PAPPA2: variants seen among roughly 807,000 people sequenced by gnomAD.
PAPPA2 encodes the protein pappalysin 2.
A neutral mutation model predicts 176.4 loss-of-function variants in PAPPA2; 86 were observed. The observed-to-expected ratio is 0.49, with a 90% CI of 0.41 to 0.58. PAPPA2 has a LOEUF of 0.58. Among genes scored for constraint, PAPPA2 ranks in the 20% least tolerant of loss-of-function variants. PAPPA2 has a pLI of 0.00. For synonymous variants in PAPPA2, 809 were observed against 852.2 expected, an observed-to-expected ratio of 0.95 and a Z score of 0.88; for missense variants, 2,073 against 2,256.9, an observed-to-expected ratio of 0.92 and a Z score of 1.65.
chr1:176,702,495 C>G, intron 8 of PAPPA2, 112 bp from the exon 9 acceptor site: 13 of 1,455,018 alleles, frequency 8.9e-6, no homozygotes, highest in Non-Finnish European at 1.2e-5. Context: ...GTATGTTTAA[C>G]CTTTATGTTT....
chr1:176,552,621 T>C (rs1651031086), intron 1 of PAPPA2, among the ~76,000 whole-genome samples: 1 of 152,118 alleles, frequency 6.6e-6, no homozygotes, highest in Non-Finnish European at 1.5e-5. Context: ...AAGAAATCCA[T>C]ATCCTCTCCC....
Position 176,769,713 on chromosome 1 carries a change from TCTC to T in PAPPA2, c.4433_4435del (p.Ser1478del). The T allele has an allele frequency of 4.3e-6, 7 of 1,613,796 alleles. No homozygotes were observed. Among genetic ancestry groups the T allele is most frequent in the South Asian group, 1.1e-5 (1 of 91,010 alleles). ...CCGTCTTTGGTGAACTATGCAAACT[TCTC>T]CTGCTCAGAGGGAACCAAATTTCTG... On this transcript the variant is annotated inframe_deletion, in exon 16 of 23. Coordinates refer to ENST00000367662, the MANE Select transcript of PAPPA2 (RefSeq NM_020318.3).
In PAPPA2 at chr1:176,671,063, C is replaced by A. The variant is rs768458710; in HGVS notation, c.2085C>A (p.Asp695Glu). ...ACTTTGCCAGCTCAGTGCGGGAAGACCTTGCAGGTGCTGCCACCTGGCCTT... is the reference window on the plus strand; with the variant it reads ...ACTTTGCCAGCTCAGTGCGGGAAGAACTTGCAGGTGCTGCCACCTGGCCTT... ...NIYFASSVREDLAGAATWPWD... is the reference protein window; with the variant it reads ...NIYFASSVREELAGAATWPWD... The change falls in exon 4 of 23, where the codon GAC becomes GAA. Residue 695 changes from aspartate (D) to glutamate (E), a missense_variant. Asp to Glu is a conservative substitution (Grantham distance 45, BLOSUM62 2). Around this residue, in one of 4 missense-constraint regions of PAPPA2, gnomAD observed 1,196 missense variants for 1,330.4 expected, o/e 0.90. Transcript: ENST00000367662. 6.2e-7 allele frequency: 1 copy of A among 1,613,880 alleles called. No homozygotes were observed. The highest frequency in any genetic ancestry group is 1.3e-5 in the African/African-American group (1 of 74,928).
chr1:176,495,779 T>C lies in PAPPA2; in HGVS notation c.-917+32361T>C, dbSNP rs139347436. ...AAATATCTTACCAGTTAGAAAAAAA[T>C]AAATAAATTTTGGTGTGAATTTTTT... On this transcript the variant is annotated intron_variant, in intron 1 of 22. Transcript: ENST00000367662. 1.9e-3 allele frequency among the ~76,000 whole-genome samples: 290 copies of C among 150,700 alleles called. 1 individual carries two copies. The highest frequency in any genetic ancestry group is 6.4e-3 in the African/African-American group (263 of 40,796).
intron 3 of PAPPA2, among the ~76,000 whole-genome samples, chr1:176,606,274 C>A (rs1336539435): frequency 6.6e-6 from 1 of 152,148 alleles, no homozygotes; most frequent in East Asian, 1.9e-4. Flanking sequence ...GATTTTCCAA[C>A]TGCGATTCTA....
At chr1:176,657,712 T>C (rs1658107250) in intron 3 of PAPPA2, among the ~76,000 whole-genome samples, 1 of 151,960 alleles carries the variant, frequency 6.6e-6, no homozygotes, top group Non-Finnish European at 1.5e-5. Flanking sequence ...GTGGGAATTT[T>C]AGGCCTGTGT....
chr1:176,498,565 C>T (rs1334849593), intron 1 of PAPPA2, among the ~76,000 whole-genome samples: 4 of 151,960 alleles, frequency 2.6e-5, no homozygotes, highest in African/African-American at 9.7e-5. Context: ...GCCTGACCAA[C>T]ATGATGAAAC....
intron 1 of PAPPA2, among the ~76,000 whole-genome samples, chr1:176,521,909 G>C (rs1649234997): frequency 6.6e-6 from 1 of 152,296 alleles, no homozygotes; most frequent in African/African-American, 2.4e-5. Flanking sequence ...ACCCCAGCCT[G>C]TGCTGGTTTT....
chr1:176,585,774 T>A (rs1202818641), intron 2 of PAPPA2, among the ~76,000 whole-genome samples: 1 of 152,118 alleles, frequency 6.6e-6, no homozygotes, highest in Non-Finnish European at 1.5e-5. Context: ...TTGTTTAAGT[T>A]CTTGATTGTA....
intron 14 of PAPPA2, among the ~76,000 whole-genome samples, chr1:176,761,985 G>A (rs967638217): frequency 6.6e-6 from 1 of 152,108 alleles, no homozygotes; most frequent in African/African-American, 2.4e-5. Flanking sequence ...CGGGAGGGTG[G>A]GATAATGGAG....
chr1:176,653,827 A>T (rs983421084), intron 3 of PAPPA2, among the ~76,000 whole-genome samples: 2 of 151,532 alleles, frequency 1.3e-5, no homozygotes, highest in African/African-American at 4.8e-5. Flanking sequence ...TCTACTTCTG[A>T]TGGATAATTT....
intron 3 of PAPPA2, among the ~76,000 whole-genome samples, chr1:176,639,424 G>T (rs1656937120): frequency 6.6e-6 from 1 of 152,064 alleles, no homozygotes; most frequent in Non-Finnish European, 1.5e-5. Flanking sequence ...GGTATAGGAA[G>T]AATATTCTAA....
rs150001932 is a variant in PAPPA2 at position 176,543,546 on chromosome 1, C to T, written c.-916-11861C>T. ...GATGTCTTCCTGTGGAGGTTTAGCTCAGCTTCTTATTCAATTTTGACTTCT... is the reference window on the plus strand; with the variant it reads ...GATGTCTTCCTGTGGAGGTTTAGCTTAGCTTCTTATTCAATTTTGACTTCT... On this transcript the variant is annotated intron_variant, in intron 1 of 22. Coordinates refer to ENST00000367662, the MANE Select transcript of PAPPA2 (RefSeq NM_020318.3). Among the ~76,000 whole-genome samples, 140 of 152,122 alleles carry T rather than the reference C, an allele frequency of 9.2e-4. 1 individual carries two copies. The highest frequency in any genetic ancestry group is 2.9e-3 in the African/African-American group (119 of 41,498).
intron 19 of PAPPA2, among the ~76,000 whole-genome samples, chr1:176,792,539 A>G (rs1434001451): frequency 6.6e-6 from 1 of 152,148 alleles, no homozygotes; most frequent in Non-Finnish European, 1.5e-5. Context: ...GCGTTAAAAT[A>G]TCATATACTC....
intron 1 of PAPPA2, among the ~76,000 whole-genome samples, chr1:176,512,172 A>G (rs1479519131): frequency 6.6e-6 from 1 of 151,134 alleles, no homozygotes; most frequent in East Asian, 1.9e-4. Context: ...GGGAAAAGCA[A>G]TTAAAACCAC....
chr1:176,699,158 C>T lies in PAPPA2; in HGVS notation c.2805C>T (p.Val935=). The T allele has an allele frequency of 6.2e-7, 1 of 1,614,086 alleles. No homozygotes were observed. The highest frequency in any genetic ancestry group is 1.7e-5 in the Admixed American group (1 of 60,014). The change falls in exon 8 of 23, where the codon GTC becomes GTT. Residue 935 remains valine (V), a synonymous_variant. Transcript: ENST00000367662. ...EPSLQAWSPE[V]HLYHMNMTVP... is the part of the protein sequence containing the mutation. ...GCTTACAGGCCTGGAGCCCTGAGGT[C>T]CACCTGTACCACATGAACATGACGG...
In PAPPA2 at chr1:176,845,010, G is replaced by A. The variant is rs1485600241; in HGVS notation, c.*2556G>A. On this transcript the variant is annotated 3_prime_UTR_variant, in exon 23 of 23. Coordinates refer to ENST00000367662, the MANE Select transcript of PAPPA2 (RefSeq NM_020318.3). The stretch of plus-strand genomic sequence containing the variant: ...CTATAAGGCTTCCCAGCCATAGTCA[G>A]CTATAGCTATTCAGAGACAGCAGGT... The A allele has an allele frequency of 6.6e-6, 1 of 152,220 alleles. No individual in the cohort carries two copies. The highest frequency in any genetic ancestry group is 1.9e-4 in the East Asian group (1 of 5,200). 9.4% of individuals were successfully genotyped at this position (152,220 alleles called of 1,614,324 possible).
At chr1:176,563,778 G>A (rs537915005) in intron 2 of PAPPA2, among the ~76,000 whole-genome samples, 7 of 152,282 alleles carry the variant, frequency 4.6e-5, no homozygotes, top group Admixed American at 2.6e-4. Context: ...CAGTTTCATG[G>A]ACCAAGGACC....
intron 3 of PAPPA2, among the ~76,000 whole-genome samples, chr1:176,610,724 T>C (rs1006804523): frequency 1.8e-4 from 28 of 152,188 alleles, no homozygotes; most frequent in Admixed American, 6.5e-5. Context: ...CCTCTTCTCT[T>C]TCTAATATAG....
Sources: allele counts gnomAD v4.1 joint callset (sites outside exome capture counted in the v4.1 genomes callset), GRCh38; gene constraint gnomAD v4.1.1; regional missense constraint gnomAD v4.1.1; transcripts MANE v1.5; gene names NCBI Gene and HGNC (gene_info 2026-07-23, HGNC 2026-07-21).